Variants in ATXN1 observed in about 807,000 individuals in gnomAD.
ATXN1 encodes ataxin-1.
Under a neutral mutation model 56.4 loss-of-function variants are expected in ATXN1, and 8 were observed. The observed-to-expected ratio is 0.14, with a 90% CI of 0.08 to 0.26. The LOEUF is 0.26. Among genes scored for constraint, ATXN1 ranks in the 10% least tolerant of loss-of-function variants. ATXN1 has a pLI of 1.00. For synonymous variants in ATXN1, 514 were observed against 494.6 expected, an observed-to-expected ratio of 1.04 and a Z score of -0.52; for missense variants, 987 against 1,106.5, an observed-to-expected ratio of 0.89 and a Z score of 1.53.
intron 3 of ATXN1, among the ~76,000 whole-genome samples, chr6:16,613,927 T>C (rs1763159551): frequency 6.6e-6 from 1 of 151,942 alleles, no homozygotes; most frequent in Non-Finnish European, 1.5e-5. Flanking sequence ...TCAAAAAAAT[T>C]ATTATAGACA....
At chr6:16,453,415 T>A (rs1410784696) in intron 6 of ATXN1, among the ~76,000 whole-genome samples, 3 of 151,994 alleles carry the variant, frequency 2.0e-5, no homozygotes, top group Admixed American at 1.3e-4. Flanking sequence ...GAGCCAAGAT[T>A]GCGCCACTGC....
intron 2 of ATXN1, among the ~76,000 whole-genome samples, chr6:16,740,568 AT>A (rs1760304476): frequency 6.6e-6 from 1 of 152,228 alleles, no homozygotes; most frequent in African/African-American, 2.4e-5. Flanking sequence ...TCATGGGTGC[AT>A]TAAAGGAAAT....
At chr6:16,630,682 T>TG in intron 3 of ATXN1, among the ~76,000 whole-genome samples, 1 of 152,240 alleles carries the variant, frequency 6.6e-6, no homozygotes, top group Non-Finnish European at 1.5e-5. Context: ...AGGTAGTAAA[T>TG]GAACACTTTA....
chr6:16,721,416 AG>A (rs1448576004), intron 2 of ATXN1, among the ~76,000 whole-genome samples: 1 of 152,132 alleles, frequency 6.6e-6, no homozygotes, highest in Non-Finnish European at 1.5e-5. Flanking sequence ...GCTTGAGGCC[AG>A]GGAGTTCGAG....
chr6:16,563,175 G>A (rs904368177), intron 4 of ATXN1, among the ~76,000 whole-genome samples: 7 of 152,136 alleles, frequency 4.6e-5, no homozygotes, highest in Non-Finnish European at 8.8e-5. Flanking sequence ...ATGAATAAAT[G>A]GTCCTCTACC....
chr6:16,602,343 C>G (rs1194130146), intron 3 of ATXN1, among the ~76,000 whole-genome samples: 4 of 151,548 alleles, frequency 2.6e-5, no homozygotes, highest in African/African-American at 7.3e-5. Context: ...GCTCCGCCCA[C>G]CAAAAAAAAT....
intron 3 of ATXN1, among the ~76,000 whole-genome samples, chr6:16,618,066 A>T (rs951692370): frequency 5.9e-5 from 9 of 151,586 alleles, no homozygotes; most frequent in African/African-American, 1.7e-4. Flanking sequence ...AAAAAAAATT[A>T]AAAAAAAATT....
At chr6:16,389,093 T>C (rs367832936) in intron 6 of ATXN1, among the ~76,000 whole-genome samples, 1 of 152,200 alleles carries the variant, frequency 6.6e-6, no homozygotes. Flanking sequence ...TCCCAGCACT[T>C]TGGGAGGCCA....
chr6:16,758,994 TCAA>T (rs1213820093), intron 1 of ATXN1, among the ~76,000 whole-genome samples: 1 of 152,154 alleles, frequency 6.6e-6, no homozygotes, highest in African/African-American at 2.4e-5. Flanking sequence ...CAAAAAAAGC[TCAA>T]GTATCAAACT....
chr6:16,592,505 G>C (rs1762740591), intron 3 of ATXN1, among the ~76,000 whole-genome samples: 1 of 152,140 alleles, frequency 6.6e-6, no homozygotes, highest in Non-Finnish European at 1.5e-5. Context: ...CCCACAGTTA[G>C]ACGTATTAGT....
At chr6:16,348,022 C>G (rs569528827) in intron 6 of ATXN1, among the ~76,000 whole-genome samples, 5 of 152,210 alleles carry the variant, frequency 3.3e-5, no homozygotes, top group Non-Finnish European at 5.9e-5. Flanking sequence ...GAGGAATGAA[C>G]AACTCCAGAC....
At chr6:16,373,693 C>T (rs1762090242) in intron 6 of ATXN1, among the ~76,000 whole-genome samples, 2 of 152,190 alleles carry the variant, frequency 1.3e-5, no homozygotes, top group South Asian at 2.1e-4. Flanking sequence ...GAGGTTTCCC[C>T]TTTTGATTGC....
chr6:16,708,371 G>A (rs1759450102), intron 2 of ATXN1, among the ~76,000 whole-genome samples: 1 of 93,270 alleles, frequency 1.1e-5, no homozygotes, highest in Non-Finnish European at 2.1e-5. Flanking sequence ...AAGGAAAAAA[G>A]GGAAGCTTAA....
chr6:16,654,625 T>G (rs955411201), intron 3 of ATXN1, among the ~76,000 whole-genome samples: 3 of 150,086 alleles, frequency 2.0e-5, no homozygotes, highest in African/African-American at 4.9e-5. Context: ...ACTTTGTAAG[T>G]GACAGCCAGG....
intron 4 of ATXN1, among the ~76,000 whole-genome samples, chr6:16,568,475 A>C (rs1762270962): frequency 6.6e-6 from 1 of 152,256 alleles, no homozygotes; most frequent in Non-Finnish European, 1.5e-5. Context: ...TTGAAACTCC[A>C]AACACATTTT....
chr6:16,501,893 G>A (rs1405919898), intron 5 of ATXN1, among the ~76,000 whole-genome samples: 6 of 152,088 alleles, frequency 3.9e-5, no homozygotes, highest in South Asian at 2.1e-4. Context: ...TTGAGGAATC[G>A]CCACACTGTC....
In ATXN1 at chr6:16,638,967, G is replaced by A. The variant is rs193047833; in HGVS notation, c.-489+18809C>T. ...AGCTGGACTTCTTGGGTCGAGTGGG[G>A]ACTTGGAGAACTTTTCTGTCTTACA... On this transcript the variant is annotated intron_variant, in intron 3 of 7. Coordinates refer to ENST00000436367, the MANE Select transcript of ATXN1 (RefSeq NM_001128164.2). 2.4e-4 allele frequency among the ~76,000 whole-genome samples: 36 copies of A among 152,320 alleles called. No individual in the cohort carries two copies. The South Asian group carries it at 3.7e-3, about 16-fold the overall frequency.
intron 7 of ATXN1, among the ~76,000 whole-genome samples, chr6:16,315,259 C>T (rs1455598213): frequency 6.6e-6 from 1 of 152,200 alleles, no homozygotes; most frequent in African/African-American, 2.4e-5. Context: ...TCCGGCTGTT[C>T]AATCAAGCAC....
At chr6:16,337,691 G>C (rs1761154870) in intron 6 of ATXN1, among the ~76,000 whole-genome samples, 1 of 152,146 alleles carries the variant, frequency 6.6e-6, no homozygotes, top group African/African-American at 2.4e-5. Flanking sequence ...TTAGCTACCC[G>C]GGGGCACCCA....
Sources: gnomAD v4.1 joint callset for allele counts (sites outside exome capture counted in the v4.1 genomes callset) on GRCh38, gnomAD v4.1.1 for gene constraint, MANE v1.5 for transcripts, NCBI Gene and HGNC (gene_info 2026-07-23, HGNC 2026-07-21) for gene names.